The following BLK variants were observed in gnomAD, a reference collection of about 807,000 sequenced individuals.
BLK encodes BLK proto-oncogene, Src family tyrosine kinase.
BLK carries 64 observed loss-of-function variants against 61.8 expected under a neutral mutation model. The ratio of observed to expected loss-of-function variants is 1.03; its 90% CI spans 0.85 to 1.27. The LOEUF is 1.27. BLK is among the 50% of genes most tolerant of loss of function. The probability of loss-of-function intolerance (pLI) is 0.00; values close to 1 mark genes in which losing one functional copy is unlikely to be tolerated. For synonymous variants in BLK, 351 were observed against 272.0 expected (o/e 1.29, Z -2.86); for missense variants, 853 against 660.5 (o/e 1.29, Z -3.19).
intron 1 of BLK, among the ~76,000 whole-genome samples, chr8:11,514,420 A>C (rs983033246): frequency 1.3e-5 from 2 of 152,208 alleles, no homozygotes; most frequent in Non-Finnish European, 2.9e-5. Flanking sequence ...AGAGCCCCGC[A>C]ATGGCCTCCC....
At chr8:11,517,990 G>A (rs1464815323) in intron 1 of BLK, among the ~76,000 whole-genome samples, 1 of 152,234 alleles carries the variant, frequency 6.6e-6, no homozygotes, top group Non-Finnish European at 1.5e-5. Context: ...AGAGCAAGAT[G>A]TGAGCTGGCT....
chr8:11,530,981 G>C (rs1410461646), intron 1 of BLK, among the ~76,000 whole-genome samples: 3 of 152,110 alleles, frequency 2.0e-5, no homozygotes, highest in Non-Finnish European at 4.4e-5. Flanking sequence ...GAGCATTCTA[G>C]TTTCTCCATA....
chr8:11,498,751 T>C (rs908768321), intron 1 of BLK, among the ~76,000 whole-genome samples: 6 of 152,200 alleles, frequency 3.9e-5, no homozygotes, highest in African/African-American at 1.4e-4. Flanking sequence ...GGTAGGTTAA[T>C]TATATCCTCT....
At chr8:11,549,405 G>A (rs1478390707) in intron 5 of BLK, among the ~76,000 whole-genome samples, 3 of 152,196 alleles carry the variant, frequency 2.0e-5, no homozygotes, top group Non-Finnish European at 4.4e-5. Context: ...TGATGGCCTC[G>A]AAGGCTACCA....
At chr8:11,561,748 T>C (rs1445821423) in intron 11 of BLK, among the ~76,000 whole-genome samples, 2 of 152,164 alleles carry the variant, frequency 1.3e-5, no homozygotes, top group African/African-American at 4.8e-5. Context: ...TTAAAGGCAC[T>C]GAGAAGTCCT....
chr8:11,524,242 A>G (rs796825279), intron 1 of BLK, among the ~76,000 whole-genome samples: 61 of 152,336 alleles, frequency 4.0e-4, no homozygotes, highest in African/African-American at 1.3e-3. Context: ...TTATGACACA[A>G]TATAAACAGT....
intron 1 of BLK, among the ~76,000 whole-genome samples, chr8:11,502,144 A>G (rs573766227): frequency 6.6e-6 from 1 of 152,374 alleles, no homozygotes; most frequent in South Asian, 2.1e-4. Flanking sequence ...AGAACCTCAA[A>G]GCATAGCTAT....
intron 10 of BLK, chr8:11,558,923 G>A (rs777150621): frequency 3.1e-5 from 14 of 454,808 alleles, no homozygotes; most frequent in South Asian, 1.2e-4. Context: ...CAGTAGCGCC[G>A]CTGCAGGAAC....
At chr8:11,561,168 G>A in intron 10 of BLK, 134 bp from the exon 11 acceptor site, 1 of 1,291,050 alleles carries the variant, frequency 7.7e-7, no homozygotes. Context: ...GAGCAACACA[G>A]TCACCTTTCT....
intron 1 of BLK, among the ~76,000 whole-genome samples, chr8:11,495,884 T>G (rs1334581393): frequency 1.3e-5 from 2 of 152,192 alleles, no homozygotes; most frequent in Non-Finnish European, 1.5e-5. Context: ...AAGAACCTGG[T>G]GAAGGAAATA....
At chr8:11,526,399 T>C (rs13265910) in intron 1 of BLK, among the ~76,000 whole-genome samples, 1 of 152,244 alleles carries the variant, frequency 6.6e-6, no homozygotes, top group African/African-American at 2.4e-5. Context: ...TGTTATACTG[T>C]TATTTTTACA....
chr8:11,558,140 A>C, intron 10 of BLK, 102 bp downstream of exon 10: 1 of 1,213,270 alleles, frequency 8.2e-7, no homozygotes, highest in Non-Finnish European at 1.2e-6. Context: ...CAGCAGGAGA[A>C]GTCAGGGGGT....
chr8:11,560,791 A>G, intron 10 of BLK: 1 of 449,090 alleles, frequency 2.2e-6, no homozygotes, highest in Non-Finnish European at 4.5e-6. Flanking sequence ...CCTGCCCTGG[A>G]GACCACATCC....
Position 11,550,159 on chromosome 8 carries a change from G to A in BLK, c.369G>A (p.Arg123=), listed in dbSNP as rs1403825418. 2 of 1,614,100 alleles carry A rather than the reference G, an allele frequency of 1.2e-6. No individual in the cohort carries two copies. Among genetic ancestry groups the A allele is most frequent in the South Asian group, 1.1e-5 (1 of 91,078 alleles). ...VARVESLEME[R]WFFRSQGRKE... ...TTCACCTGTTCCTGCCGTTTTCCAGGTGGTTCTTTAGATCACAGGGTCGGA... is the reference window on the plus strand; with the variant it reads ...TTCACCTGTTCCTGCCGTTTTCCAGATGGTTCTTTAGATCACAGGGTCGGA... Residue 123 remains arginine (R), a splice_region_variant and synonymous_variant, in exon 6 of 13, where the codon AGG becomes AGA. Transcript: ENST00000259089.
chr8:11,553,792 C>T (rs1298853310), intron 6 of BLK, among the ~76,000 whole-genome samples: 1 of 152,136 alleles, frequency 6.6e-6, no homozygotes, highest in African/African-American at 2.4e-5. Context: ...ATGAGAGAGG[C>T]ACATTGGCTG....
intron 1 of BLK, among the ~76,000 whole-genome samples, chr8:11,535,463 A>T (rs1013256756): frequency 5.3e-5 from 8 of 152,228 alleles, no homozygotes; most frequent in Non-Finnish European, 1.5e-5. Flanking sequence ...TTCTATCTTC[A>T]TGTGTTTGGA....
intron 1 of BLK, among the ~76,000 whole-genome samples, chr8:11,542,760 T>C (rs1449838864): frequency 6.6e-6 from 1 of 152,218 alleles, no homozygotes; most frequent in Non-Finnish European, 1.5e-5. Context: ...GAGAGAACGT[T>C]AGTCATCTTC....
At chr8:11,497,357 C>T (rs1218122852) in intron 1 of BLK, among the ~76,000 whole-genome samples, 3 of 152,166 alleles carry the variant, frequency 2.0e-5, no homozygotes, top group African/African-American at 7.2e-5. Flanking sequence ...TCCTGCTTGC[C>T]TGAATCCCTT....
At chr8:11,555,244 G>A in intron 7 of BLK, 88 bp from the exon 8 acceptor site, 1 of 1,574,740 alleles carries the variant, frequency 6.4e-7, no homozygotes, top group Non-Finnish European at 8.7e-7. Context: ...GCTGGGGAGT[G>A]GAGGGCCAGC....
Sources: gnomAD v4.1 joint callset for allele counts (sites outside exome capture counted in the v4.1 genomes callset) on GRCh38, gnomAD v4.1.1 for gene constraint, MANE v1.5 for transcripts, NCBI Gene and HGNC (gene_info 2026-07-23, HGNC 2026-07-21) for gene names.